Variants in PDSS2 observed in about 807,000 individuals in gnomAD.
The protein encoded by PDSS2 is all trans-polyprenyl-diphosphate synthase PDSS2.
PDSS2 carries 31 observed loss-of-function variants against 44.5 expected under a neutral mutation model. The observed-to-expected ratio is 0.70, with a 90% CI of 0.52 to 0.94. The LOEUF (loss-of-function observed/expected upper bound fraction) is 0.94. Among genes scored for constraint, PDSS2 ranks in the 40% least tolerant of loss-of-function variants. PDSS2 has a pLI of 0.00. For synonymous variants in PDSS2, 157 were observed against 180.3 expected, an observed-to-expected ratio of 0.87 and a Z score of 1.03; for missense variants, 452 against 482.2, an observed-to-expected ratio of 0.94 and a Z score of 0.59.
intron 7 of PDSS2, among the ~76,000 whole-genome samples, chr6:107,183,544 A>T (rs189081925): frequency 6.6e-6 from 1 of 152,256 alleles, no homozygotes; most frequent in African/African-American, 2.4e-5. Context: ...CTAAAAATAT[A>T]AAAAATAGCC....
chr6:107,205,606 T>A (rs1430717241), intron 6 of PDSS2, among the ~76,000 whole-genome samples: 2 of 152,218 alleles, frequency 1.3e-5, no homozygotes, highest in African/African-American at 4.8e-5. Flanking sequence ...CAGGGAGAGA[T>A]CTGTAGAATT....
intron 3 of PDSS2, among the ~76,000 whole-genome samples, chr6:107,272,948 T>C (rs1278665696): frequency 6.6e-6 from 1 of 152,120 alleles, no homozygotes; most frequent in East Asian, 1.9e-4. Flanking sequence ...TTTATTTTTA[T>C]TTTTATTTTT....
In PDSS2 at chr6:107,334,278, G is replaced by A. The variant is rs1777805254; in HGVS notation, c.351C>T (p.Leu117=). 6.2e-7 allele frequency: 1 copy of A among 1,613,182 alleles called. No homozygotes were observed. Among genetic ancestry groups the A allele is most frequent in the Non-Finnish European group, 8.5e-7 (1 of 1,179,346 alleles). ...NSLQLRGLVV[L]LISKAAGPSS... ...TGGGCCCAGCTGCTTTAGAGATAAGGAGCACCACCAAGCCCCTCAACTGGA... is the reference window on the plus strand; with the variant it reads ...TGGGCCCAGCTGCTTTAGAGATAAGAAGCACCACCAAGCCCCTCAACTGGA... Residue 117 remains leucine, a synonymous_variant, in exon 2 of 8, where the codon CTC becomes CTT. Transcript: ENST00000369037.
At chr6:107,290,891 A>C (rs1467187260) in intron 2 of PDSS2, among the ~76,000 whole-genome samples, 3 of 151,840 alleles carry the variant, frequency 2.0e-5, no homozygotes, top group South Asian at 2.1e-4. Flanking sequence ...TTTGTGTTTT[A>C]TCTCTCCCCA....
At chr6:107,395,312 T>C (rs1779907574) in intron 1 of PDSS2, among the ~76,000 whole-genome samples, 1 of 152,162 alleles carries the variant, frequency 6.6e-6, no homozygotes, top group Non-Finnish European at 1.5e-5. Context: ...TTGAGCTTCT[T>C]AGATCTGGAA....
intron 1 of PDSS2, among the ~76,000 whole-genome samples, chr6:107,445,602 A>T (rs1188947021): frequency 6.6e-6 from 1 of 152,198 alleles, no homozygotes; most frequent in Non-Finnish European, 1.5e-5. Context: ...GTCTAAAAAA[A>T]TTCTGTTTTC....
chr6:107,254,092 G>A (rs1774921884), intron 3 of PDSS2, among the ~76,000 whole-genome samples: 1 of 145,802 alleles, frequency 6.9e-6, no homozygotes, highest in Non-Finnish European at 1.5e-5. Context: ...GGAATGCAGT[G>A]GGACGATCTC....
At chr6:107,339,955 C>T (rs1338812809) in intron 1 of PDSS2, among the ~76,000 whole-genome samples, 1 of 151,454 alleles carries the variant, frequency 6.6e-6, no homozygotes, top group Non-Finnish European at 1.5e-5. Flanking sequence ...CATTTATCAT[C>T]AGTGTAGAAA....
chr6:107,228,723 C>T (rs9373930), intron 4 of PDSS2, among the ~76,000 whole-genome samples: 743 of 71,792 alleles, frequency 0.01, 8 homozygotes, highest in African/African-American at 0.025. Context: ...AATAAATAAA[C>T]AAACAAACAA....
chr6:107,325,590 T>C (rs2115191709), intron 2 of PDSS2, among the ~76,000 whole-genome samples: 1 of 152,290 alleles, frequency 6.6e-6, no homozygotes, highest in East Asian at 1.9e-4. Context: ...TTATTTTTAT[T>C]TGTAGTTTAT....
Position 107,212,127 on chromosome 6 carries a change from G to A in PDSS2, c.858C>T (p.His286=), listed in dbSNP as rs1436574892. 2 of 1,613,822 alleles carry A rather than the reference G, an allele frequency of 1.2e-6. No homozygotes were observed. Among genetic ancestry groups the A allele is most frequent in the Admixed American group, 3.3e-5 (2 of 60,002 alleles). Residue 286 remains histidine, a synonymous_variant, in exon 5 of 8, where the codon CAC becomes CAT. Coordinates refer to ENST00000369037, the MANE Select transcript of PDSS2 (RefSeq NM_020381.4). The part of the protein sequence containing the change: ...VQNMAFQYGK[H]MAMSHKINSD... ...AAAGTACCTTATGACTCATGGCCAT[G>A]TGCTTCCCATACTGAAATGCCATAT...
intron 2 of PDSS2, among the ~76,000 whole-genome samples, chr6:107,321,893 A>G (rs1777392443): frequency 6.6e-6 from 1 of 151,958 alleles, no homozygotes; most frequent in Admixed American, 6.6e-5. Flanking sequence ...TCTAAAACCT[A>G]CTGTCTTTTC....
At chr6:107,389,830 A>G (rs571829137) in intron 1 of PDSS2, among the ~76,000 whole-genome samples, 1 of 148,068 alleles carries the variant, frequency 6.8e-6, no homozygotes, top group African/African-American at 2.4e-5. Context: ...AAAACAAACA[A>G]ACAAAAAAAA....
chr6:107,305,555 G>T (rs1290745960), intron 2 of PDSS2, among the ~76,000 whole-genome samples: 3 of 152,114 alleles, frequency 2.0e-5, no homozygotes, highest in Non-Finnish European at 4.4e-5. Context: ...TTCCAAATGG[G>T]ATTAACAACA....
intron 2 of PDSS2, among the ~76,000 whole-genome samples, chr6:107,315,344 A>T (rs1257198225): frequency 6.6e-6 from 1 of 152,228 alleles, no homozygotes; most frequent in East Asian, 1.9e-4. Context: ...CAGCATCTGA[A>T]TTACTGGCAG....
At chr6:107,249,149 C>T (rs1245422127) in intron 3 of PDSS2, among the ~76,000 whole-genome samples, 1 of 152,176 alleles carries the variant, frequency 6.6e-6, no homozygotes, top group African/African-American at 2.4e-5. Context: ...TTGGCCATAT[C>T]GTGAGTATCT....
intron 2 of PDSS2, among the ~76,000 whole-genome samples, chr6:107,278,780 G>A (rs1246833222): frequency 6.6e-6 from 1 of 152,038 alleles, no homozygotes; most frequent in Non-Finnish European, 1.5e-5. Context: ...CATTTTTACA[G>A]GGTCTGCCAT....
At chr6:107,368,141 C>A (rs534006153) in intron 1 of PDSS2, among the ~76,000 whole-genome samples, 5 of 151,468 alleles carry the variant, frequency 3.3e-5, no homozygotes, top group African/African-American at 1.2e-4. Context: ...TAGTGGTTTG[C>A]GCCTATAGTC....
At chr6:107,334,959 C>G (rs1000805110) in intron 1 of PDSS2, among the ~76,000 whole-genome samples, 1 of 151,792 alleles carries the variant, frequency 6.6e-6, no homozygotes, top group African/African-American at 2.4e-5. Flanking sequence ...TGAGACCATC[C>G]CAGACAAGAT....
Sources: allele counts gnomAD v4.1 joint callset (sites outside exome capture counted in the v4.1 genomes callset), GRCh38; gene constraint gnomAD v4.1.1; transcripts MANE v1.5; gene names NCBI Gene and HGNC (gene_info 2026-07-23, HGNC 2026-07-21).